The following NLGN4X variants were observed in gnomAD, a reference collection of about 807,000 sequenced individuals.
NLGN4X encodes the protein neuroligin 4 X-linked, also known as neuroligin-4, X-linked.
A neutral mutation model predicts 40.3 loss-of-function variants in NLGN4X; 3 were observed. The ratio of observed to expected loss-of-function variants is 0.07; its 90% CI spans 0.03 to 0.19. The LOEUF is 0.19. NLGN4X is among the 10% of genes least tolerant of loss of function. NLGN4X has a pLI of 1.00. For missense variants in NLGN4X, 382 were observed against 708.3 expected, an observed-to-expected ratio of 0.54 and a Z score of 5.23; for synonymous variants, 270 against 306.8, an observed-to-expected ratio of 0.88 and a Z score of 1.25.
chrX:5,976,074 T>TA (rs1253083371), intron 3 of NLGN4X, among the ~76,000 whole-genome samples: 2 of 112,285 alleles, frequency 1.8e-5, no homozygotes, highest in Non-Finnish European at 1.9e-5. Flanking sequence ...GACTGGCAGT[T>TA]AAACTCCAGT....
intron 1 of NLGN4X, among the ~76,000 whole-genome samples, chrX:6,160,876 T>C (rs1325156273): frequency 1.0e-5 from 1 of 95,754 alleles, no homozygotes; most frequent in Non-Finnish European, 2.1e-5. Flanking sequence ...ACCTGCTATA[T>C]ATAGAGAGAG....
chrX:5,975,380 G>A (rs1052227191), intron 3 of NLGN4X, among the ~76,000 whole-genome samples: 1 of 110,888 alleles, frequency 9.0e-6, no homozygotes, highest in Non-Finnish European at 1.9e-5. Flanking sequence ...GGAGGCAGAG[G>A]TGGGTGGATC....
intron 3 of NLGN4X, among the ~76,000 whole-genome samples, chrX:5,963,578 T>C (rs770169665): frequency 2.2e-4 from 25 of 111,759 alleles, no homozygotes; most frequent in Non-Finnish European, 3.8e-4. Context: ...GGTAGGAGAA[T>C]TTCATCTTAA....
chrX:6,032,705 C>A, intron 2 of NLGN4X: 1 of 1,190,827 alleles, frequency 8.4e-7, no homozygotes. Context: ...GTCTTCACCA[C>A]GGTCATTACT....
At chrX:6,172,301 G>A (rs889076305) in intron 1 of NLGN4X, among the ~76,000 whole-genome samples, 2 of 111,781 alleles carry the variant, frequency 1.8e-5, no homozygotes, top group Non-Finnish European at 3.8e-5. Context: ...AAGCCTGGAA[G>A]TGTAGATCCC....
intron 2 of NLGN4X, among the ~76,000 whole-genome samples, chrX:6,095,727 C>T (rs1258683546): frequency 8.9e-6 from 1 of 111,751 alleles, no homozygotes; most frequent in East Asian, 2.8e-4. Flanking sequence ...TTTTGGTTGT[C>T]ACAATTAAGG....
intron 2 of NLGN4X, 105 bp downstream of exon 2, chrX:6,150,890 C>T (rs1360481179): frequency 1.4e-5 from 9 of 647,707 alleles, no homozygotes; most frequent in South Asian, 4.8e-5. Flanking sequence ...ATAAAATAAA[C>T]GGGTTATAGA....
At chrX:5,942,448 T>A (rs955645742) in intron 3 of NLGN4X, among the ~76,000 whole-genome samples, 2 of 110,672 alleles carry the variant, frequency 1.8e-5, no homozygotes, top group African/African-American at 6.6e-5. Flanking sequence ...CCCAGCACTT[T>A]GGGAGGCTGA....
At chrX:5,977,351 G>T (rs1330663410) in intron 3 of NLGN4X, among the ~76,000 whole-genome samples, 1 of 110,589 alleles carries the variant, frequency 9.0e-6, no homozygotes, top group Non-Finnish European at 1.9e-5. Flanking sequence ...CTCCTGAGTA[G>T]CTTGGACTAC....
intron 3 of NLGN4X, among the ~76,000 whole-genome samples, chrX:5,917,134 G>T (rs773665199): frequency 2.7e-5 from 3 of 112,549 alleles, no homozygotes; most frequent in Admixed American, 9.4e-5. Context: ...CTGCAGGGCT[G>T]CTGGGCGACC....
intron 2 of NLGN4X, among the ~76,000 whole-genome samples, chrX:6,146,287 T>C (rs2040044741): frequency 8.9e-6 from 1 of 111,982 alleles, no homozygotes; most frequent in Admixed American, 9.5e-5. Context: ...GTTCCATTCA[T>C]CAGATGCTTT....
At chrX:6,030,002 C>G (rs2036812072) in intron 2 of NLGN4X, among the ~76,000 whole-genome samples, 1 of 110,522 alleles carries the variant, frequency 9.0e-6, no homozygotes. Context: ...AAATTATTAA[C>G]TGAACAGAAA....
At chrX:6,082,964 T>C (rs1196619654) in intron 2 of NLGN4X, among the ~76,000 whole-genome samples, 1 of 87,466 alleles carries the variant, frequency 1.1e-5, no homozygotes, top group African/African-American at 4.3e-5. Context: ...TTCTTTTTTT[T>C]TTTTTTTTTT....
At chrX:6,000,291 A>C (rs2035939912) in intron 3 of NLGN4X, among the ~76,000 whole-genome samples, 1 of 112,499 alleles carries the variant, frequency 8.9e-6, no homozygotes, top group South Asian at 3.6e-4. Flanking sequence ...TTTCTGCAAC[A>C]AATAAAATAT....
intron 1 of NLGN4X, among the ~76,000 whole-genome samples, chrX:6,167,069 C>CA (rs869227439): frequency 0.022 from 1,280 of 59,171 alleles, 50 homozygotes; most frequent in African/African-American, 0.084. Flanking sequence ...GAAACTGTCT[C>CA]AAAAAAAAAA....
chrX:5,995,710 G>A (rs2035798778), intron 3 of NLGN4X, among the ~76,000 whole-genome samples: 2 of 111,882 alleles, frequency 1.8e-5, no homozygotes, highest in South Asian at 7.6e-4. Flanking sequence ...CATGTTTGAG[G>A]GGCCATCGAG....
At chrX:6,105,430 GCAA>G (rs1960280879) in intron 2 of NLGN4X, among the ~76,000 whole-genome samples, 2 of 98,125 alleles carry the variant, frequency 2.0e-5, no homozygotes, top group South Asian at 4.2e-4. Context: ...TAAAGCACAA[GCAA>G]AAAAAAAAGT....
chrX:6,029,437 A>G lies in NLGN4X; in HGVS notation c.473-5T>C, dbSNP rs747661921. ...TACTGTTCTGATCATGAATATCTGGAAAAAAAAGCCAAGTAAGGAAACACA... is the reference window on the plus strand; with the variant it reads ...TACTGTTCTGATCATGAATATCTGGGAAAAAAAGCCAAGTAAGGAAACACA... On this transcript the variant is annotated splice_region_variant and splice_polypyrimidine_tract_variant and intron_variant, in intron 2 of 5. Coordinates refer to ENST00000381095, the MANE Select transcript of NLGN4X (RefSeq NM_181332.3). 49 of 1,203,297 alleles carry G rather than the reference A, an allele frequency of 4.1e-5. No individual in the cohort carries two copies. Among genetic ancestry groups the G allele is most frequent in the Middle Eastern group, 2.3e-4 (1 of 4,334 alleles).
intron 3 of NLGN4X, among the ~76,000 whole-genome samples, chrX:5,983,878 C>T (rs994472788): frequency 1.8e-5 from 2 of 111,671 alleles, no homozygotes; most frequent in Admixed American, 9.5e-5. Context: ...CCCAAGAGAT[C>T]GAAGCTACAG....
Sources: gnomAD v4.1 joint callset for allele counts (sites outside exome capture counted in the v4.1 genomes callset) on GRCh38, gnomAD v4.1.1 for gene constraint, MANE v1.5 for transcripts, NCBI Gene and HGNC (gene_info 2026-07-23, HGNC 2026-07-21) for gene names.